PLEKHA7: variants seen among roughly 807,000 people sequenced by gnomAD.
PLEKHA7 encodes the protein pleckstrin homology domain-containing family A member 7.
PLEKHA7 carries 104 observed loss-of-function variants against 170.0 expected under a neutral mutation model. The ratio of observed to expected loss-of-function variants is 0.61; its 90% confidence interval spans 0.52 to 0.72. PLEKHA7 has a LOEUF of 0.72. Among genes scored for constraint, PLEKHA7 ranks in the 30% least tolerant of loss-of-function variants. The pLI, the probability that PLEKHA7 is intolerant of heterozygous loss-of-function variation, is 0.00. For synonymous variants in PLEKHA7, 648 were observed against 660.8 expected, an observed-to-expected ratio of 0.98 and a Z score of 0.30; for missense variants, 1,615 against 1,671.7, an observed-to-expected ratio of 0.97 and a Z score of 0.59.
chr11:16,839,082 G>C (rs932279930), intron 9 of PLEKHA7, among the ~76,000 whole-genome samples: 1 of 152,010 alleles, frequency 6.6e-6, no homozygotes, highest in Non-Finnish European at 1.5e-5. Flanking sequence ...CACATGCAGA[G>C]GCTTGTAGAA....
rs1455349182 is a variant in PLEKHA7 at position 16,906,278 on chromosome 11, GGAAA to G, written c.222-35100_222-35097del. ...AGGAAGGAAGGAAGGAAGGAAGGAA[GGAAA>G]GAAAGAAAATTGGAAAGGCTCCTCC... On this transcript the variant is annotated intron_variant, in intron 3 of 26. Coordinates refer to ENST00000531066, the MANE Select transcript of PLEKHA7 (RefSeq NM_001329630.2). Among the ~76,000 whole-genome samples, 112 of 98,668 alleles carry G rather than the reference GGAAA, an allele frequency of 1.1e-3. 4 individuals carry two copies. Among genetic ancestry groups the G allele is most frequent in the African/African-American group, 4.1e-3 (102 of 24,810 alleles). 64.7% of individuals were successfully genotyped at this position (98,668 alleles called of 152,430 possible).
At chr11:16,847,544 A>AATC (rs1423373707) in intron 8 of PLEKHA7, among the ~76,000 whole-genome samples, 2 of 152,132 alleles carry the variant, frequency 1.3e-5, no homozygotes, top group Admixed American at 6.5e-5. Context: ...CAATTGGCTT[A>AATC]ATCAGATGGG....
rs1216040325 is a variant in PLEKHA7, at chr11:16,778,799, A to G, written c.*199T>C. 1.6e-6 allele frequency: 1 copy of G among 611,022 alleles called. No individual in the cohort carries two copies. The highest frequency in any genetic ancestry group is 2.9e-6 in the Non-Finnish European group (1 of 340,668). 37.9% of individuals were successfully genotyped at this position (611,022 alleles called of 1,614,324 possible). ...AAAAGTGCCTTTGCCATTCATATGT[A>G]GAGAGGAGTCTGAGCTAAACTAGTG... On this transcript the variant is annotated 3_prime_UTR_variant, in exon 27 of 27. Transcript: ENST00000531066.
Position 16,931,184 on chromosome 11 carries a change from T to G in PLEKHA7, c.222-60002A>C, listed in dbSNP as rs1859895887. Among the ~76,000 whole-genome samples the G allele has an allele frequency of 2.6e-5, 4 of 152,334 alleles. No individual in the cohort carries two copies. The South Asian group carries it at 8.3e-4, about 32-fold the overall frequency. On this transcript the variant is annotated intron_variant, in intron 3 of 26. Transcript: ENST00000531066. ...CTATGGCCAATGATCTTCATACTTA[T>G]ATTTTAACCAGAACAACCCCACGTT...
intron 3 of PLEKHA7, among the ~76,000 whole-genome samples, chr11:16,996,727 G>A (rs1049051663): frequency 2.6e-5 from 4 of 152,230 alleles, no homozygotes; most frequent in African/African-American, 7.2e-5. Flanking sequence ...ACGAGGTCAC[G>A]AGATCGAGAC....
At chr11:16,808,201 T>C (rs561495588) in intron 13 of PLEKHA7, among the ~76,000 whole-genome samples, 1 of 152,372 alleles carries the variant, frequency 6.6e-6, no homozygotes, top group South Asian at 2.1e-4. Flanking sequence ...TTTGTTTGTT[T>C]TAATTAAGTA....
Position 16,801,089 on chromosome 11 carries a change from C to T in PLEKHA7, c.2308-14G>A. 2 of 1,610,578 alleles carry T rather than the reference C, an allele frequency of 1.2e-6. No homozygotes were observed. The highest frequency in any genetic ancestry group is 2.2e-5 in the South Asian group (2 of 91,000). ...ATTTTCCATCTCCTGTTGGCCAAGA[C>T]AATGCTTCCGGTTCTTAGTTATCCC... On this transcript the variant is annotated splice_polypyrimidine_tract_variant and intron_variant, in intron 16 of 26. Coordinates refer to ENST00000531066, the MANE Select transcript of PLEKHA7 (RefSeq NM_001329630.2).
chr11:16,827,971 G>T (rs1364946660), intron 9 of PLEKHA7, among the ~76,000 whole-genome samples: 1 of 150,664 alleles, frequency 6.6e-6, no homozygotes, highest in African/African-American at 2.5e-5. Flanking sequence ...AGGTGTCTTT[G>T]CAACAACTTC....
At chr11:16,977,625 C>T (rs994410920) in intron 3 of PLEKHA7, among the ~76,000 whole-genome samples, 1 of 152,098 alleles carries the variant, frequency 6.6e-6, no homozygotes, top group African/African-American at 2.4e-5. Context: ...AAATAAATAC[C>T]TAGCTGGTTA....
intron 3 of PLEKHA7, among the ~76,000 whole-genome samples, chr11:16,882,785 C>T (rs1037820847): frequency 2.0e-5 from 3 of 151,992 alleles, no homozygotes; most frequent in Non-Finnish European, 4.4e-5. Flanking sequence ...AGAATAGTAG[C>T]TTATAATCCA....
At chr11:16,992,251 C>G (rs982491322) in intron 3 of PLEKHA7, among the ~76,000 whole-genome samples, 1 of 152,174 alleles carries the variant, frequency 6.6e-6, no homozygotes, top group Non-Finnish European at 1.5e-5. Context: ...CACTGAAGGG[C>G]TGGGTGGCTC....
chr11:16,998,743 A>G (rs193182847), intron 3 of PLEKHA7, among the ~76,000 whole-genome samples: 5 of 152,318 alleles, frequency 3.3e-5, no homozygotes, highest in Non-Finnish European at 5.9e-5. Flanking sequence ...AAGTACCACC[A>G]ATTACATCTA....
At chr11:16,996,090 A>C (rs1864322800) in intron 3 of PLEKHA7, among the ~76,000 whole-genome samples, 1 of 152,238 alleles carries the variant, frequency 6.6e-6, no homozygotes, top group African/African-American at 2.4e-5. Context: ...CATGGAAATA[A>C]ATTATAAAAT....
intron 3 of PLEKHA7, among the ~76,000 whole-genome samples, chr11:16,886,984 T>A (rs1180955732): frequency 2.0e-5 from 3 of 152,154 alleles, no homozygotes; most frequent in Non-Finnish European, 4.4e-5. Context: ...TGATTCAGAT[T>A]AGCAAATGAT....
intron 3 of PLEKHA7, among the ~76,000 whole-genome samples, chr11:16,979,187 G>A (rs1863256996): frequency 6.6e-6 from 1 of 152,072 alleles, no homozygotes; most frequent in South Asian, 2.1e-4. Context: ...GCGCTACCAC[G>A]CCTGGCTAAT....
chr11:16,892,430 G>GTTT (rs1414079217), intron 3 of PLEKHA7, among the ~76,000 whole-genome samples: 3,919 of 80,508 alleles, frequency 0.049, 62 homozygotes, highest in East Asian at 0.12. Flanking sequence ...GTGTGTGTGT[G>GTTT]TGTGTTTTGT....
chr11:16,789,147 G>A lies in PLEKHA7; in HGVS notation c.3306C>T (p.Gly1102=). ...KRTLGQGERT[G]LPSSRYLSRP... The stretch of plus-strand genomic sequence containing the variant: ...GGCTGAGGTAGCGAGATGAGGGCAG[G>A]CCCGTCCTCTCCCCTTGGCCCAGTG... Residue 1102 remains glycine, a synonymous_variant, in exon 23 of 27, where the codon GGC becomes GGT. Transcript: ENST00000531066. This position sits in a 1 kb window ranked among gnomAD's most constrained non-coding sequence, Gnocchi z 4.6. 6.2e-7 allele frequency: 1 copy of A among 1,610,460 alleles called. No homozygotes were observed. The highest frequency in any genetic ancestry group is 2.2e-5 in the East Asian group (1 of 44,864).
At chr11:16,809,708 C>T (rs1476827213) in intron 13 of PLEKHA7, among the ~76,000 whole-genome samples, 8 of 152,202 alleles carry the variant, frequency 5.3e-5, no homozygotes, top group African/African-American at 7.2e-5. Flanking sequence ...ACCCTAGTGA[C>T]GGGAAGTCCA....
At chr11:16,937,651 C>A (rs1157173378) in intron 3 of PLEKHA7, among the ~76,000 whole-genome samples, 1 of 151,738 alleles carries the variant, frequency 6.6e-6, no homozygotes, top group Non-Finnish European at 1.5e-5. Context: ...TTTTGTTGCC[C>A]AAGCTGGGGT....
Sources: gnomAD v4.1 joint callset for allele counts (sites outside exome capture counted in the v4.1 genomes callset) on GRCh38, gnomAD v4.1.1 for gene constraint, Gnocchi (gnomAD v3.1) non-coding constraint, MANE v1.5 for transcripts, NCBI Gene and HGNC (gene_info 2026-07-23, HGNC 2026-07-21) for gene names.